The following CPN2 variants were observed in gnomAD, a reference collection of about 807,000 sequenced individuals.
CPN2 encodes carboxypeptidase N subunit 2.
For synonymous variants in CPN2, 336 were observed against 318.4 expected (o/e 1.06, Z -0.59); for missense variants, 620 against 671.4 (o/e 0.92, Z 0.85).
At chr3:194,350,135 G>A (rs1288952872) in intron 1 of CPN2, among the ~76,000 whole-genome samples, 1 of 152,110 alleles carries the variant, frequency 6.6e-6, no homozygotes, top group African/African-American at 2.4e-5. Context: ...CTTGTACTGT[G>A]TTGAATGTTT....
At chr3:194,346,496 C>T (rs183942248) in intron 1 of CPN2, among the ~76,000 whole-genome samples, 4 of 152,272 alleles carry the variant, frequency 2.6e-5, no homozygotes, top group East Asian at 3.9e-4. Context: ...AATTTCCAGA[C>T]GGTCCACTCT....
intron 1 of CPN2, among the ~76,000 whole-genome samples, chr3:194,349,775 C>CTCCTTTTT: frequency 1.2e-5 from 1 of 83,782 alleles, no homozygotes; most frequent in Non-Finnish European, 2.4e-5. Flanking sequence ...TGACTACCCT[C>CTCCTTTTT]TTCTTTTTTT....
chr3:194,343,301 G>T (rs886139320), intron 1 of CPN2, among the ~76,000 whole-genome samples: 2 of 152,122 alleles, frequency 1.3e-5, no homozygotes, highest in Non-Finnish European at 2.9e-5. Context: ...AAATTCTTTA[G>T]ATTTTCTTTA....
Position 194,341,399 on chromosome 3 carries a change from A to G in CPN2, c.1304T>C (p.Val435Ala). Residue 435 changes from valine to alanine, a missense_variant, in exon 2 of 2, where the codon GTG becomes GCG. Transcript: ENST00000323830. The stretch of plus-strand genomic sequence containing the variant: ...CAGCTGCTTCTCATTCAAGGCGGGC[A>G]CCACCTGGCCTTTGAGGTAGGCAGG... ...AGPAYLKGQV[V>A]PALNEKQLVC... is the part of the protein sequence containing the mutation. 1 of 1,614,094 alleles carries G rather than the reference A, an allele frequency of 6.2e-7. No homozygotes were observed. The highest frequency in any genetic ancestry group is 8.5e-7 in the Non-Finnish European group (1 of 1,180,036).
intron 1 of CPN2, among the ~76,000 whole-genome samples, chr3:194,346,689 T>A (rs1004071212): frequency 6.6e-6 from 1 of 152,212 alleles, no homozygotes; most frequent in Admixed American, 6.5e-5. Flanking sequence ...GAGGATGTTA[T>A]GAGGATGGAA....
At position 194,341,172 on chromosome 3, in the gene CPN2, C is replaced by G; in HGVS notation, c.1531G>C (p.Gly511Arg). Residue 511 changes from glycine (G) to arginine (R), a missense_variant, in exon 2 of 2, where the codon GGC becomes CGC. Transcript: ENST00000323830. ...WLNVQLSPQQ[G>R]SLGLQYNASQ... ...GCATTGTACTGCAGTCCCAGGGAGCCCTGCTGAGGAGAGAGCTGGACGTTC... is the reference window on the plus strand; with the variant it reads ...GCATTGTACTGCAGTCCCAGGGAGCGCTGCTGAGGAGAGAGCTGGACGTTC... The G allele has an allele frequency of 6.2e-7, 1 of 1,613,538 alleles. No homozygotes were observed. Among genetic ancestry groups the G allele is most frequent in the Non-Finnish European group, 8.5e-7 (1 of 1,180,004 alleles).
rs750313593 is a variant in CPN2, at chr3:194,342,043, C to T, written c.660G>A (p.Gln220=). The part of the protein sequence containing the change: ...QGVFGKLGSL[Q]ELFLDSNNIS... ...TGTTGTTGCTGTCCAGGAAGAGCTC[C>T]TGCAGGCTGCCCAGTTTGCCAAACA... Residue 220 remains glutamine, a synonymous_variant, in exon 2 of 2, where the codon CAG becomes CAA. Coordinates refer to ENST00000323830, the MANE Select transcript of CPN2 (RefSeq NM_001080513.4). The T allele has an allele frequency of 6.2e-7, 1 of 1,614,178 alleles. No individual in the cohort carries two copies. The highest frequency in any genetic ancestry group is 8.5e-7 in the Non-Finnish European group (1 of 1,180,030).
intron 1 of CPN2, among the ~76,000 whole-genome samples, chr3:194,350,450 G>T (rs1713228043): frequency 6.6e-6 from 1 of 152,210 alleles, no homozygotes; most frequent in South Asian, 2.1e-4. Flanking sequence ...GTGGGCTTGT[G>T]CAAATCACTC....
Position 194,339,857 on chromosome 3 carries a change from G to T in CPN2, c.*1208C>A, listed in dbSNP as rs1282158069. 1 of 152,234 alleles carries T rather than the reference G, an allele frequency of 6.6e-6. No individual in the cohort carries two copies. Among genetic ancestry groups the T allele is most frequent in the Non-Finnish European group, 1.5e-5 (1 of 68,048 alleles). The allele number at this position is 152,234 out of a possible 1,614,324, so 9.4% of individuals were successfully genotyped here. The stretch of plus-strand genomic sequence containing the variant: ...GAGGGCCTGGGAACATGTGCCCAAG[G>T]TGGTCGAGGTACAGCTTGGTTTTAT... On this transcript the variant is annotated 3_prime_UTR_variant, in exon 2 of 2. Coordinates refer to ENST00000323830, the MANE Select transcript of CPN2 (RefSeq NM_001080513.4).
In CPN2 at chr3:194,348,273, G is replaced by T. The variant is rs1346787833; in HGVS notation, c.-4+2969C>A. Among the ~76,000 whole-genome samples, 2 of 92,410 alleles carry T rather than the reference G, an allele frequency of 2.2e-5. 1 individual carries two copies. The highest frequency in any genetic ancestry group is 9.4e-5 in the African/African-American group (2 of 21,212). 60.6% of individuals were successfully genotyped at this position (92,410 alleles called of 152,430 possible). On this transcript the variant is annotated intron_variant, in intron 1 of 1. Coordinates refer to ENST00000323830, the MANE Select transcript of CPN2 (RefSeq NM_001080513.4). ...CCCACCCCATCCGCTGCCCAGTTCA[G>T]CCCACCCCACCCTCTGCCCAGTTCA...
At chr3:194,343,471 G>A (rs1712938725) in intron 1 of CPN2, among the ~76,000 whole-genome samples, 1 of 152,210 alleles carries the variant, frequency 6.6e-6, no homozygotes, top group Non-Finnish European at 1.5e-5. Context: ...CACAATAAAG[G>A]TCTAGGTTTC....
chr3:194,347,639 C>CCTCTGCCCAGTTCAGCCCAACCCAT lies in CPN2; in HGVS notation c.-4+3602_-4+3603insATGGGTTGGGCTGAACTGGGCAGAG, dbSNP rs1560038795. Among the ~76,000 whole-genome samples, 58 of 134,304 alleles carry CCTCTGCCCAGTTCAGCCCAACCCAT rather than the reference C, an allele frequency of 4.3e-4. 4 individuals carry two copies. Among genetic ancestry groups the CCTCTGCCCAGTTCAGCCCAACCCAT allele is most frequent in the Middle Eastern group, 7.4e-3 (2 of 270 alleles). 88.1% of individuals were successfully genotyped at this position (134,304 alleles called of 152,430 possible). A position where few individuals can be genotyped will look rare whatever the true frequency, so the allele number is the denominator to read the frequency against. ...CTCCTGCCTTGGCCAGCCCACCCCA[C>CCTCTGCCCAGTTCAGCCCAACCCAT]CCTCTGCCCAGTTCAGCCCACCCCA... is the stretch of plus-strand genomic sequence containing the variant. On this transcript the variant is annotated intron_variant, in intron 1 of 1. Transcript: ENST00000323830.
intron 1 of CPN2, among the ~76,000 whole-genome samples, chr3:194,344,195 G>A (rs1463740544): frequency 1.3e-5 from 2 of 152,136 alleles, no homozygotes; most frequent in Non-Finnish European, 2.9e-5. Context: ...TGCTTATTAG[G>A]GGAGCCCCCT....
intron 1 of CPN2, among the ~76,000 whole-genome samples, chr3:194,345,299 C>T (rs902938236): frequency 2.6e-5 from 4 of 152,158 alleles, no homozygotes; most frequent in Non-Finnish European, 4.4e-5. Flanking sequence ...CTCGATTCCT[C>T]CAGAGAGCAA....
chr3:194,342,040 C>T lies in CPN2; in HGVS notation c.663G>A (p.Glu221=), dbSNP rs765112596. 3 of 1,614,064 alleles carry T rather than the reference C, an allele frequency of 1.9e-6. No individual in the cohort carries two copies. Among genetic ancestry groups the T allele is most frequent in the African/African-American group, 1.3e-5 (1 of 74,908 alleles). The change falls in exon 2 of 2, where the codon GAG becomes GAA. Residue 221 remains glutamate, a synonymous_variant. Coordinates refer to ENST00000323830, the MANE Select transcript of CPN2 (RefSeq NM_001080513.4). ...AGATGTTGTTGCTGTCCAGGAAGAG[C>T]TCCTGCAGGCTGCCCAGTTTGCCAA... ...GVFGKLGSLQ[E]LFLDSNNISE... is the part of the protein sequence containing the mutation.
chr3:194,344,844 C>T (rs753299100), intron 1 of CPN2, among the ~76,000 whole-genome samples: 37 of 152,134 alleles, frequency 2.4e-4, no homozygotes, highest in Admixed American at 5.9e-4. Context: ...GCTCTGTGTC[C>T]CTAGACCCCA....
chr3:194,349,366 G>GA (rs879734252), intron 1 of CPN2, among the ~76,000 whole-genome samples: 6 of 152,080 alleles, frequency 3.9e-5, no homozygotes, highest in Non-Finnish European at 8.8e-5. Flanking sequence ...CATCTCAAAA[G>GA]AAAAAAATTT....
intron 1 of CPN2, among the ~76,000 whole-genome samples, chr3:194,343,350 G>A (rs1712935628): frequency 6.6e-6 from 1 of 152,174 alleles, no homozygotes; most frequent in Non-Finnish European, 1.5e-5. Flanking sequence ...TTTCTAGCAT[G>A]TACTCACAGG....
At position 194,347,745 on chromosome 3, in the gene CPN2, C is replaced by A. The variant is rs187859565; in HGVS notation, c.-4+3497G>T. On this transcript the variant is annotated intron_variant, in intron 1 of 1. Transcript: ENST00000323830. ...GCTGCCCTGGCCAGCCCACCCCACC[C>A]TCTGCCCAGTTCAGCCCACCCCACC... 1.3e-3 allele frequency among the ~76,000 whole-genome samples: 169 copies of A among 134,766 alleles called. 3 individuals are homozygous for A. The highest frequency in any genetic ancestry group is 5.0e-3 in the African/African-American group (155 of 31,196). 88.4% of individuals were successfully genotyped at this position (134,766 alleles called of 152,430 possible).
Sources: gnomAD v4.1 joint callset for allele counts (sites outside exome capture counted in the v4.1 genomes callset) on GRCh38, gnomAD v4.1.1 for gene constraint, MANE v1.5 for transcripts, NCBI Gene and HGNC (gene_info 2026-07-23, HGNC 2026-07-21) for gene names.